Variants in THADA observed in about 807,000 individuals in gnomAD.
THADA encodes THADA armadillo repeat containing, also known as tRNA (32-2'-O)-methyltransferase regulator THADA.
THADA carries 213 observed loss-of-function variants against 219.8 expected under a neutral mutation model. The ratio of observed to expected loss-of-function variants is 0.97; its 90% CI spans 0.87 to 1.09. THADA has a LOEUF of 1.09. Ranked by LOEUF, THADA falls within the 50% of genes least tolerant of loss-of-function variation. THADA has a pLI of 0.00. For synonymous variants in THADA, 1,018 were observed against 828.9 expected (o/e 1.23, Z -3.92); for missense variants, 2,956 against 2,311.3 (o/e 1.28, Z -5.72).
At chr2:43,531,352 C>T (rs1322840258) in intron 21 of THADA, among the ~76,000 whole-genome samples, 1 of 152,228 alleles carries the variant, frequency 6.6e-6, no homozygotes, top group Non-Finnish European at 1.5e-5. Context: ...TGCGTGCCAG[C>T]TACCTGCCAG....
At position 43,560,140 on chromosome 2, in the gene THADA, G is replaced by C. The variant is rs1381831700; in HGVS notation, c.2463+94C>G. 1.4e-5 allele frequency: 15 copies of C among 1,072,608 alleles called. No homozygotes were observed. The East Asian group carries it at 4.0e-4, about 29-fold the overall frequency. The allele number at this position is 1,072,608 out of a possible 1,614,324, so 66.4% of individuals were successfully genotyped here. On this transcript the variant is annotated intron_variant, in intron 16 of 37. Transcript: ENST00000405975. ...AACAGTCCAAAAACATGAGCAGGCAGATGCAAAGCACATGAATAATCCTCA... is the reference window on the plus strand; with the variant it reads ...AACAGTCCAAAAACATGAGCAGGCACATGCAAAGCACATGAATAATCCTCA...
At chr2:43,366,540 G>A (rs561689131) in intron 29 of THADA, among the ~76,000 whole-genome samples, 5 of 152,174 alleles carry the variant, frequency 3.3e-5, no homozygotes, top group South Asian at 2.1e-4. Context: ...GGGGAAGAGA[G>A]GAGGAGGTAG....
chr2:43,520,611 GC>G (rs1032626113), intron 22 of THADA, among the ~76,000 whole-genome samples: 2 of 152,046 alleles, frequency 1.3e-5, no homozygotes, highest in African/African-American at 4.8e-5. Context: ...GACTGCTTGA[GC>G]CCAGGAGGTT....
At chr2:43,234,482 G>C (rs1667796510) in intron 36 of THADA, among the ~76,000 whole-genome samples, 1 of 152,174 alleles carries the variant, frequency 6.6e-6, no homozygotes, top group South Asian at 2.1e-4. Context: ...AACAGAAAAG[G>C]GGAGGGGGTG....
In THADA at chr2:43,342,457, C is replaced by T. The variant is rs988995637; in HGVS notation, c.4343+1665G>A. On this transcript the variant is annotated intron_variant, in intron 30 of 37. Transcript: ENST00000405975. ...ATATTTCCTGAGCCCCATTCTCTGC[C>T]ACTTGTGCCTTACACTTTAGGTTCC... Among the ~76,000 whole-genome samples, 8 of 152,324 alleles carry T rather than the reference C, an allele frequency of 5.3e-5. 1 individual carries two copies. Among genetic ancestry groups the T allele is most frequent in the African/African-American group, 1.9e-4 (8 of 41,560 alleles).
rs114943924 is a variant in THADA, at chr2:43,348,452, A to C, written c.4228-4215T>G. Reference sequence around the variant, plus strand: ...AAATACTTACTGAACCCAAATCTCTACTAAAAGTTTGAAAACAAAGAATGG... The same window carrying C: ...AAATACTTACTGAACCCAAATCTCTCCTAAAAGTTTGAAAACAAAGAATGG... On this transcript the variant is annotated intron_variant, in intron 29 of 37. Transcript: ENST00000405975. Among the ~76,000 whole-genome samples the C allele has an allele frequency of 3.4e-3, 515 of 152,294 alleles. 8 individuals carry two copies. Among genetic ancestry groups the C allele is most frequent in the African/African-American group, 0.012 (482 of 41,558 alleles).
chr2:43,576,586 C>T (rs1045308025), intron 10 of THADA, among the ~76,000 whole-genome samples: 20 of 152,196 alleles, frequency 1.3e-4, no homozygotes, highest in South Asian at 4.1e-4. Flanking sequence ...TTTTTAAAAA[C>T]GATAACATTG....
chr2:43,533,313 T>C (rs1044908672), intron 21 of THADA, among the ~76,000 whole-genome samples: 7 of 152,204 alleles, frequency 4.6e-5, no homozygotes, highest in African/African-American at 1.7e-4. Flanking sequence ...AGTTCAACAG[T>C]TGTGGAAGAC....
chr2:43,415,245 T>G (rs1383835538), intron 28 of THADA, among the ~76,000 whole-genome samples: 3 of 152,128 alleles, frequency 2.0e-5, no homozygotes, highest in Non-Finnish European at 4.4e-5. Context: ...ATCTACAAGG[T>G]TTAGCTCATA....
At chr2:43,345,466 A>G (rs1282663261) in intron 29 of THADA, among the ~76,000 whole-genome samples, 1 of 152,208 alleles carries the variant, frequency 6.6e-6, no homozygotes, top group African/African-American at 2.4e-5. Flanking sequence ...ACAAGTCCCA[A>G]TGTGGAGACT....
intron 26 of THADA, chr2:43,430,573 A>G: frequency 2.1e-6 from 1 of 475,354 alleles, no homozygotes; most frequent in Non-Finnish European, 4.1e-6. Context: ...TCAGGGAAGA[A>G]ATATGTAATC....
At chr2:43,329,676 T>A (rs375484957) in intron 30 of THADA, among the ~76,000 whole-genome samples, 2 of 152,280 alleles carry the variant, frequency 1.3e-5, no homozygotes, top group South Asian at 4.1e-4. Context: ...AAACCAAGAA[T>A]AGAATCAAGG....
At chr2:43,451,003 G>T (rs1004257075) in intron 26 of THADA, among the ~76,000 whole-genome samples, 6 of 152,042 alleles carry the variant, frequency 3.9e-5, no homozygotes, top group African/African-American at 1.4e-4. Flanking sequence ...AAAATAAAAG[G>T]AATTCTGAAC....
intron 29 of THADA, among the ~76,000 whole-genome samples, chr2:43,357,226 T>C (rs1423998338): frequency 6.6e-6 from 1 of 152,190 alleles, no homozygotes; most frequent in East Asian, 1.9e-4. Context: ...TGAAGTGTAA[T>C]AAAACAATGA....
intron 28 of THADA, among the ~76,000 whole-genome samples, chr2:43,418,532 G>T (rs1402979713): frequency 2.0e-5 from 3 of 152,146 alleles, no homozygotes; most frequent in Non-Finnish European, 2.9e-5. Flanking sequence ...CTAAAAGAAG[G>T]CTGTTCAAAC....
At chr2:43,282,873 G>A (rs1437217345) in intron 35 of THADA, among the ~76,000 whole-genome samples, 1 of 152,164 alleles carries the variant, frequency 6.6e-6, no homozygotes, top group Non-Finnish European at 1.5e-5. Flanking sequence ...AGACATGGAC[G>A]TGTACAACAT....
intron 27 of THADA, among the ~76,000 whole-genome samples, chr2:43,429,321 G>A (rs1678931050): frequency 6.6e-6 from 1 of 152,048 alleles, no homozygotes; most frequent in Admixed American, 6.6e-5. Flanking sequence ...TGGCCAAGCT[G>A]GTCTTGAACT....
intron 36 of THADA, among the ~76,000 whole-genome samples, chr2:43,269,523 G>A (rs1273967512): frequency 2.0e-5 from 3 of 152,168 alleles, no homozygotes; most frequent in Non-Finnish European, 2.9e-5. Context: ...TGACGCACTC[G>A]CTGAGATGCA....
intron 26 of THADA, chr2:43,430,674 A>C (rs1483246434): frequency 2.2e-6 from 1 of 457,110 alleles, no homozygotes; most frequent in Non-Finnish European, 4.4e-6. Flanking sequence ...AGTGATAAGG[A>C]CAGGTCTAGA....
Sources: allele counts gnomAD v4.1 joint callset (sites outside exome capture counted in the v4.1 genomes callset), GRCh38; gene constraint gnomAD v4.1.1; transcripts MANE v1.5; gene names NCBI Gene and HGNC (gene_info 2026-07-23, HGNC 2026-07-21).